NDUFA3: variants seen among roughly 807,000 people sequenced by gnomAD.
NDUFA3 encodes NADH:ubiquinone oxidoreductase subunit A3, also known as NADH dehydrogenase [ubiquinone] 1 alpha subcomplex subunit 3.
Under a neutral mutation model 11.4 loss-of-function variants are expected in NDUFA3, and 10 were observed. The ratio of observed to expected loss-of-function variants is 0.87; its 90% CI spans 0.54 to 1.48. The LOEUF (loss-of-function observed/expected upper bound fraction) is 1.48. Ranked by LOEUF, NDUFA3 falls within the 40% of genes most tolerant of loss-of-function variation. NDUFA3 has a pLI of 0.00. For missense variants in NDUFA3, 115 were observed against 110.5 expected (o/e 1.04, Z -0.18); for synonymous variants, 39 against 46.9 (o/e 0.83, Z 0.68).
chr19:54,103,642 A>T (rs2146332593), intron 2 of NDUFA3, among the ~76,000 whole-genome samples: 1 of 150,944 alleles, frequency 6.6e-6, no homozygotes, highest in East Asian at 2.0e-4. Context: ...TTTAATTAGC[A>T]CCGGAGTTCC....
At chr19:54,103,864 C>T (rs587660046) in intron 2 of NDUFA3, among the ~76,000 whole-genome samples, 2 of 151,310 alleles carry the variant, frequency 1.3e-5, no homozygotes, top group African/African-American at 4.9e-5. Flanking sequence ...GACTGAGTCT[C>T]GCTCTGTCGC....
chr19:54,105,849 ATCTTCCCTTTGCCAAGGCTCACCTTC>A, intron 2 of NDUFA3, 59 bp from the exon 3 acceptor site: 1 of 1,219,394 alleles, frequency 8.2e-7, no homozygotes, highest in Non-Finnish European at 1.2e-6. Flanking sequence ...TGCGCACTTT[ATCTTCCCTTTGCCAAGGCTCACCTTC>A]TCTTCCCCTC....
At chr19:54,103,347 C>T (rs1473262112) in intron 2 of NDUFA3, among the ~76,000 whole-genome samples, 159 bp downstream of exon 2, 1 of 152,078 alleles carries the variant, frequency 6.6e-6, no homozygotes. Flanking sequence ...CCATTATAAC[C>T]TCTCCACCAT....
chr19:54,106,429 A>C, intron 3 of NDUFA3: 1 of 329,844 alleles, frequency 3.0e-6, no homozygotes, highest in Admixed American at 4.8e-5. Context: ...TCGGCCTCCC[A>C]AAGTGCTGGG....
chr19:54,103,666 G>A (rs587689115), intron 2 of NDUFA3, among the ~76,000 whole-genome samples: 1 of 151,886 alleles, frequency 6.6e-6, no homozygotes, highest in East Asian at 1.9e-4. Flanking sequence ...AGGGATGGGG[G>A]CGGGGGATTG....
In NDUFA3 at chr19:54,104,796, T is replaced by C. The variant is rs141145061; in HGVS notation, c.86-1138T>C. 7.9e-3 allele frequency among the ~76,000 whole-genome samples: 1,200 copies of C among 152,054 alleles called. 6 individuals are homozygous for C. Among genetic ancestry groups the C allele is most frequent in the South Asian group, 0.027 (128 of 4,820 alleles). ...CGCTTTTGTCCAGGCTAGAGTGCAA[T>C]GGCCTGATCTCGGCTCACTGCAACC... On this transcript the variant is annotated intron_variant, in intron 2 of 3. Coordinates refer to ENST00000485876, the MANE Select transcript of NDUFA3 (RefSeq NM_004542.4).
At chr19:54,106,188 GCTT>G in intron 3 of NDUFA3, 177 bp downstream of exon 3, 2 of 645,660 alleles carry the variant, frequency 3.1e-6, no homozygotes, top group Non-Finnish European at 5.2e-6. Flanking sequence ...CTGTGTTTGT[GCTT>G]CGTTTTTGTT....
intron 3 of NDUFA3, 85 bp downstream of exon 3, chr19:54,106,096 A>G (rs887552918): frequency 8.8e-6 from 12 of 1,357,048 alleles, no homozygotes; most frequent in Non-Finnish European, 1.2e-5. Context: ...GGTCTTTCCT[A>G]AGCAGTTATC....
chr19:54,105,744 CA>C (rs2073239680), intron 2 of NDUFA3, 189 bp from the exon 3 acceptor site: 3 of 664,910 alleles, frequency 4.5e-6, no homozygotes, highest in Admixed American at 2.4e-5. Flanking sequence ...CTTAACCCCC[CA>C]AAAAAGAGTT....
chr19:54,106,066 C>T (rs745465396), intron 3 of NDUFA3, 55 bp downstream of exon 3: 14 of 1,517,442 alleles, frequency 9.2e-6, no homozygotes, highest in African/African-American at 2.7e-5. Flanking sequence ...CCTGTGCTGG[C>T]GTAAGGGCAG....
intron 2 of NDUFA3, chr19:54,105,581 G>A (rs2073232925): frequency 6.1e-6 from 3 of 490,946 alleles, no homozygotes; most frequent in Admixed American, 5.5e-5. Flanking sequence ...ATTTGTAACA[G>A]TCTTGATTTC....
In NDUFA3 at chr19:54,107,093, TTGTC is replaced by T; in HGVS notation, c.*194_*197del. 3 of 1,613,796 alleles carry T rather than the reference TTGTC, an allele frequency of 1.9e-6. No homozygotes were observed. The highest frequency in any genetic ancestry group is 1.7e-6 in the Non-Finnish European group (2 of 1,179,934). On this transcript the variant is annotated 3_prime_UTR_variant, in exon 4 of 4. Coordinates refer to ENST00000485876, the MANE Select transcript of NDUFA3 (RefSeq NM_004542.4). ...GGCCAGGGTCGGGTAGGGCAGCAGT[TTGTC>T]TGGACCCCGAGAAACCCAACTGGAA...
At chr19:54,103,893 G>C (rs1286001871) in intron 2 of NDUFA3, among the ~76,000 whole-genome samples, 2 of 151,830 alleles carry the variant, frequency 1.3e-5, no homozygotes, top group African/African-American at 4.8e-5. Flanking sequence ...GAGTGCAGTG[G>C]CGCGATCTCG....
intron 2 of NDUFA3, 103 bp downstream of exon 2, chr19:54,103,291 C>G (rs55856534): frequency 8.4e-7 from 1 of 1,191,832 alleles, no homozygotes; most frequent in Non-Finnish European, 1.2e-6. Context: ...CGGGTCCCCT[C>G]TAGTGTGTCT....
In NDUFA3 at chr19:54,104,831, C is replaced by T. The variant is rs144857227; in HGVS notation, c.86-1103C>T. Among the ~76,000 whole-genome samples, 23 of 151,892 alleles carry T rather than the reference C, an allele frequency of 1.5e-4. No individual in the cohort carries two copies. The East Asian group carries it at 3.5e-3, about 23-fold the overall frequency. On this transcript the variant is annotated intron_variant, in intron 2 of 3. Transcript: ENST00000485876. ...TCGGCTCACTGCAACCTCCGCCTCC[C>T]GGGTTCAAGCGATTCTCCTGTCTCA...
chr19:54,106,439 G>C (rs8100254), intron 3 of NDUFA3: 164,275 of 340,748 alleles, frequency 0.48, 40,480 homozygotes, highest in Non-Finnish European at 0.53. Flanking sequence ...AAAGTGCTGG[G>C]ATTACAGGTG....
chr19:54,105,956 C>A lies in NDUFA3; in HGVS notation c.108C>A (p.Ser36Arg), dbSNP rs780316530. 2.5e-6 allele frequency: 4 copies of A among 1,613,566 alleles called. No homozygotes were observed. Among genetic ancestry groups the A allele is most frequent in the Non-Finnish European group, 8.5e-7 (1 of 1,179,672 alleles). Residue 36 changes from serine to arginine, a missense_variant, in exon 3 of 4, where the codon AGC becomes AGA. Ser to Arg is a moderately radical substitution (Grantham distance 110). Coordinates refer to ENST00000485876, the MANE Select transcript of NDUFA3 (RefSeq NM_004542.4). ...GGLAVILPPL[S>R]PYFKYSVMIN... ...CAGCTGTAATTCTGCCCCCATTGAG[C>A]CCCTACTTCAAGTACTCCGTCATGA...
rs58827171 is a variant in NDUFA3, at chr19:54,104,135, C to CT, written c.85+967dup. Among the ~76,000 whole-genome samples the CT allele has an allele frequency of 6.0e-3, 536 of 88,608 alleles. 13 individuals are homozygous for CT. Among genetic ancestry groups the CT allele is most frequent in the African/African-American group, 6.6e-3 (142 of 21,550 alleles). The allele number at this position is 88,608 out of a possible 152,430, so 58.1% of individuals were successfully genotyped here. A position where few individuals can be genotyped will look rare whatever the true frequency, so the allele number is the denominator to read the frequency against. On this transcript the variant is annotated intron_variant, in intron 2 of 3. Coordinates refer to ENST00000485876, the MANE Select transcript of NDUFA3 (RefSeq NM_004542.4). Reference sequence around the variant, plus strand: ...GGCGTGAGCCACCGCGCCCGGCCAGCTTTTTTTTTTTTTTTTTTTTGAGAT... The same window carrying CT: ...GGCGTGAGCCACCGCGCCCGGCCAGCTTTTTTTTTTTTTTTTTTTTTGAGAT...
At chr19:54,103,538 G>A (rs2073157902) in intron 2 of NDUFA3, among the ~76,000 whole-genome samples, 2 of 152,084 alleles carry the variant, frequency 1.3e-5, no homozygotes, top group Admixed American at 1.3e-4. Context: ...GTGGGACTGG[G>A]GAATCTGTGT....
Sources: gnomAD v4.1 joint callset for allele counts (sites outside exome capture counted in the v4.1 genomes callset) on GRCh38, gnomAD v4.1.1 for gene constraint, MANE v1.5 for transcripts, NCBI Gene and HGNC (gene_info 2026-07-23, HGNC 2026-07-21) for gene names.